The following THBS1 variants were observed in gnomAD, a reference collection of about 807,000 sequenced individuals.
The protein encoded by THBS1 is thrombospondin-1.
In THBS1, 29 loss-of-function variants were observed where a neutral mutation model predicts 126.1. The observed-to-expected ratio is 0.23, with a 90% CI of 0.17 to 0.31. THBS1 has a LOEUF of 0.31. Ranked by LOEUF, THBS1 falls within the 10% of genes least tolerant of loss-of-function variation. THBS1 has a pLI of 1.00. For missense variants in THBS1, 1,198 were observed against 1,545.2 expected, an observed-to-expected ratio of 0.78 and a Z score of 3.77; for synonymous variants, 496 against 577.8, an observed-to-expected ratio of 0.86 and a Z score of 2.03.
At position 39,589,052 on chromosome 15, in the gene THBS1, G is replaced by A; in HGVS notation, c.1739G>A (p.Ser580Asn). 1 of 1,614,208 alleles carries A rather than the reference G, an allele frequency of 6.2e-7. No individual in the cohort carries two copies. The highest frequency in any genetic ancestry group is 1.1e-5 in the South Asian group (1 of 91,086). ...WKCGACPPGY[S>N]GNGIQCTDVD... ...TGTGGTGCTTGTCCCCCTGGTTACAGTGGAAATGGCATCCAGTGCACAGAT... is the reference window on the plus strand; with the variant it reads ...TGTGGTGCTTGTCCCCCTGGTTACAATGGAAATGGCATCCAGTGCACAGAT... Residue 580 changes from serine (S) to asparagine (N), a missense_variant, in exon 11 of 22, where the codon AGT becomes AAT. Physicochemically the swap from Ser to Asn is conservative, Grantham distance 46. Transcript: ENST00000260356. The surrounding 1 kb of genome is among the most constrained non-coding windows in gnomAD (Gnocchi z 4.7).
intron 3 of THBS1, among the ~76,000 whole-genome samples, chr15:39,583,114 C>G (rs1172098371): frequency 6.6e-6 from 1 of 152,168 alleles, no homozygotes; most frequent in East Asian, 1.9e-4. Flanking sequence ...ATGCATTCCC[C>G]CAATTTTAAT....
intron 6 of THBS1, 86 bp from the exon 7 acceptor site, chr15:39,585,384 G>C (rs1300355261): frequency 8.1e-7 from 1 of 1,236,290 alleles, no homozygotes; most frequent in Non-Finnish European, 1.2e-6. Context: ...CCATGTTTTG[G>C]CTTGTAAAGG....
Position 39,590,527 on chromosome 15 carries a change from C to G in THBS1, c.2157C>G (p.Pro719=). 6.2e-7 allele frequency: 1 copy of G among 1,613,240 alleles called. No homozygotes were observed. The highest frequency in any genetic ancestry group is 1.1e-5 in the South Asian group (1 of 90,838). ...ATYHCKKDNC[P]NLPNSGQEDY... is the part of the protein sequence containing the mutation. ...CTTCTCTTTCCTAGGATAATTGCCC[C>G]AACCTTCCCAACTCAGGGCAGGAAG... Residue 719 remains proline (P), a synonymous_variant, in exon 14 of 22, where the codon CCC becomes CCG. Coordinates refer to ENST00000260356, the MANE Select transcript of THBS1 (RefSeq NM_003246.4).
In THBS1 at chr15:39,589,162, T is replaced by C; in HGVS notation, c.1774-40T>C. 6.2e-7 allele frequency: 1 copy of C among 1,612,960 alleles called. No individual in the cohort carries two copies. The highest frequency in any genetic ancestry group is 8.5e-7 in the Non-Finnish European group (1 of 1,179,054). On this transcript the variant is annotated intron_variant, in intron 11 of 21. Transcript: ENST00000260356. The surrounding 1 kb of genome is among the most constrained non-coding windows in gnomAD (Gnocchi z 4.7). ...CTGTGCAGTCGCTTCCTTATGGCAG[T>C]GACTTCTAAACATGATGCACGCTCT...
Position 39,581,639 on chromosome 15 carries a change from C to CCTCTCTCTCTCTCTCTCTCT in THBS1, c.-29-180_-29-161dup, listed in dbSNP as rs3138595. 196 of 366,054 alleles carry CCTCTCTCTCTCTCTCTCTCT rather than the reference C, an allele frequency of 5.4e-4. 2 individuals are homozygous for CCTCTCTCTCTCTCTCTCTCT. The highest frequency in any genetic ancestry group is 5.0e-3 in the African/African-American group (181 of 36,488). The allele number at this position is 366,054 out of a possible 1,614,324, so 22.7% of individuals were successfully genotyped here. On this transcript the variant is annotated intron_variant, in intron 1 of 21. Coordinates refer to ENST00000260356, the MANE Select transcript of THBS1 (RefSeq NM_003246.4). ...TTAAAACCAGCATCTCTTTCCTCCA[C>CCTCTCTCTCTCTCTCTCTCT]CTCTCTCTCTCTCTCTCTCTCTCTC... is the stretch of plus-strand genomic sequence containing the variant.
Position 39,595,870 on chromosome 15 carries a change from T to G in THBS1, c.*501T>G. On this transcript the variant is annotated 3_prime_UTR_variant, in exon 22 of 22. Coordinates refer to ENST00000260356, the MANE Select transcript of THBS1 (RefSeq NM_003246.4). Reference sequence around the variant, plus strand: ...ACCCGAGACGATTGTATGAAGAAAATATGGAGGAACTGTTACATGTTCGGT... The same window carrying G: ...ACCCGAGACGATTGTATGAAGAAAAGATGGAGGAACTGTTACATGTTCGGT... 1 of 456,410 alleles carries G rather than the reference T, an allele frequency of 2.2e-6. No individual in the cohort carries two copies. Among genetic ancestry groups the G allele is most frequent in the South Asian group, 1.5e-5 (1 of 64,546 alleles). The allele number at this position is 456,410 out of a possible 1,614,324, so 28.3% of individuals were successfully genotyped here.
At chr15:39,591,769 G>T (rs1476693010) in intron 16 of THBS1, 146 bp downstream of exon 16, 2 of 756,084 alleles carry the variant, frequency 2.6e-6, no homozygotes, top group African/African-American at 3.5e-5. Flanking sequence ...ATACGTTCAT[G>T]TAAATAATTT....
chr15:39,595,431 C>A lies in THBS1; in HGVS notation c.*62C>A. On this transcript the variant is annotated 3_prime_UTR_variant, in exon 22 of 22. Transcript: ENST00000260356. ...AATGCTGGTATTGCACCTTCTGGAA[C>A]TATGGGCTTGAGAAAACCCCCAGGA... is the stretch of plus-strand genomic sequence containing the variant. The A allele has an allele frequency of 1.3e-6, 2 of 1,484,120 alleles. No homozygotes were observed. Among genetic ancestry groups the A allele is most frequent in the Non-Finnish European group, 1.8e-6 (2 of 1,115,746 alleles). 91.9% of individuals were successfully genotyped at this position (1,484,120 alleles called of 1,614,324 possible). A position where few individuals can be genotyped will look rare whatever the true frequency, so the allele number is the denominator to read the frequency against.
intron 5 of THBS1, 23 bp from the exon 6 acceptor site, chr15:39,584,277 T>A: frequency 6.2e-7 from 1 of 1,614,230 alleles, no homozygotes; most frequent in Admixed American, 1.7e-5. Flanking sequence ...GGGGGGACAC[T>A]AATGATATTC....
In THBS1 at chr15:39,592,949, A is replaced by T. The variant is rs772366052; in HGVS notation, c.2768-51A>T. ...GATAGTGACATTTCTGACACCAGTA[A>T]TAATAATAGCACTTTAGAATTTTGC... On this transcript the variant is annotated intron_variant, in intron 17 of 21. Transcript: ENST00000260356. This position sits in a 1 kb window ranked among gnomAD's most constrained non-coding sequence, Gnocchi z 4.3. The T allele has an allele frequency of 9.5e-6, 15 of 1,585,790 alleles. No homozygotes were observed. The highest frequency in any genetic ancestry group is 1.3e-5 in the Non-Finnish European group (15 of 1,159,772).
Position 39,590,002 on chromosome 15 carries a change from T to C in THBS1, c.2124T>C (p.Asn708=), listed in dbSNP as rs61757229. The change falls in exon 13 of 22, where the codon AAT becomes AAC. Residue 708 remains asparagine (N), a synonymous_variant. Transcript: ENST00000260356. ...ATGAGAACCTGGTGTGCGTGGCCAA[T>C]GCGACTTACCACTGCAAAAAGGTAG... ...WPNENLVCVA[N]ATYHCKKDNC... is the part of the protein sequence containing the mutation. The C allele has an allele frequency of 3.1e-6, 5 of 1,608,108 alleles. No homozygotes were observed. The Admixed American group carries it at 6.7e-5, about 22-fold the overall frequency.
chr15:39,597,777 T>C lies in THBS1; in HGVS notation c.*2408T>C, dbSNP rs1223236514. On this transcript the variant is annotated 3_prime_UTR_variant, in exon 22 of 22. Transcript: ENST00000260356. ...TTCTTATTAAGGTCATTAGATGTCA[T>C]TGAATCCTTTTCAAAGTGCAGTATG... The C allele has an allele frequency of 3.9e-5, 6 of 152,184 alleles. No individual in the cohort carries two copies. The South Asian group carries it at 8.3e-4, about 21-fold the overall frequency. The allele number at this position is 152,184 out of a possible 1,614,324, so 9.4% of individuals were successfully genotyped here.
At position 39,587,466 on chromosome 15, in the gene THBS1, G is replaced by T; in HGVS notation, c.1240G>T (p.Glu414Ter). 6.2e-7 allele frequency: 1 copy of T among 1,613,784 alleles called. No homozygotes were observed. The highest frequency in any genetic ancestry group is 8.5e-7 in the Non-Finnish European group (1 of 1,179,984). ...RSCDSLNNRC[E>*]GSSVQTRTCH... is the part of the protein sequence containing the mutation. ...CTGCGATAGCCTCAACAACCGATGT[G>T]AGGGCTCCTCGGTCCAGACACGGAC... The change falls in exon 8 of 22, where the codon GAG becomes TAG. Residue 414 changes from glutamate (E) to a stop codon, truncating the protein, a stop_gained. Coordinates refer to ENST00000260356, the MANE Select transcript of THBS1 (RefSeq NM_003246.4). LOFTEE classifies it high-confidence loss of function.
intron 14 of THBS1, chr15:39,590,977 T>TCTCA (rs1287830096): frequency 3.4e-6 from 2 of 585,470 alleles, no homozygotes; most frequent in Non-Finnish European, 5.9e-6. Context: ...ATATTCTACA[T>TCTCA]CTCACTAACT....
In THBS1 at chr15:39,592,851, T is replaced by C. The variant is rs371871724; in HGVS notation, c.2767+49T>C. 6.3e-7 allele frequency: 1 copy of C among 1,583,870 alleles called. No homozygotes were observed. ...AAGACAGGGACTGCTGGCACAGCTG[T>C]GTAGATTGAAGAAATGAAACCAAGG... On this transcript the variant is annotated intron_variant, in intron 17 of 21. Transcript: ENST00000260356. The surrounding 1 kb of genome is among the most constrained non-coding windows in gnomAD (Gnocchi z 4.3).
rs144786467 is a variant in THBS1 at position 39,584,131 on chromosome 15, G to A, written c.847G>A (p.Glu283Lys). 1.6e-4 allele frequency: 261 copies of A among 1,614,190 alleles called. No homozygotes were observed. The highest frequency in any genetic ancestry group is 2.0e-4 in the Non-Finnish European group (237 of 1,180,040). The change falls in exon 5 of 22, where the codon GAA becomes AAA. Residue 283 changes from glutamate to lysine, a missense_variant. By Grantham distance (56) the Glu-to-Lys change is moderately conservative (BLOSUM62 1). Transcript: ENST00000260356. ...SCDELSSMVLELRGLRTIVTT... is the reference protein window; with the variant it reads ...SCDELSSMVLKLRGLRTIVTT... ...TGATGAGCTGTCCAGCATGGTCCTG[G>A]AACTCAGGGGCCTGCGCACCATTGT...
Position 39,598,352 on chromosome 15 carries a change from C to CA in THBS1, c.*2986dup, listed in dbSNP as rs1890526224. 6.6e-6 allele frequency: 1 copy of CA among 152,046 alleles called. No individual in the cohort carries two copies. The highest frequency in any genetic ancestry group is 2.4e-5 in the African/African-American group (1 of 41,384). The allele number at this position is 152,046 out of a possible 1,614,324, so 9.4% of individuals were successfully genotyped here. On this transcript the variant is annotated 3_prime_UTR_variant, in exon 22 of 22. Coordinates refer to ENST00000260356, the MANE Select transcript of THBS1 (RefSeq NM_003246.4). Reference sequence around the variant, plus strand: ...ATGATCACATACAAATGTAAATTGCCAAATCATTTTATAGTACCAAGGTGA... The same window carrying CA: ...ATGATCACATACAAATGTAAATTGCCAAAATCATTTTATAGTACCAAGGTGA...
chr15:39,584,321 G>T lies in THBS1; in HGVS notation c.925G>T (p.Ala309Ser). The T allele has an allele frequency of 6.2e-7, 1 of 1,614,228 alleles. No individual in the cohort carries two copies. The highest frequency in any genetic ancestry group is 8.5e-7 in the Non-Finnish European group (1 of 1,180,042). ...RKVTEENKEL[A>S]NELRRPPLCY... is the part of the protein sequence containing the mutation. ...TTAGACTGAAGAGAACAAAGAGTTGGCCAATGAGCTGAGGCGGCCTCCCCT... is the reference window on the plus strand; with the variant it reads ...TTAGACTGAAGAGAACAAAGAGTTGTCCAATGAGCTGAGGCGGCCTCCCCT... The change falls in exon 6 of 22, where the codon GCC becomes TCC. Residue 309 changes from alanine to serine, a missense_variant. Transcript: ENST00000260356.
Position 39,593,538 on chromosome 15 carries a change from C to A in THBS1, c.3137C>A (p.Ser1046Tyr), listed in dbSNP as rs772391014. 28 of 1,614,094 alleles carry A rather than the reference C, an allele frequency of 1.7e-5. No homozygotes were observed. The highest frequency in any genetic ancestry group is 2.4e-5 in the Non-Finnish European group (28 of 1,180,050). ...YVVMWKQVTQ[S>Y]YWDTNPTRAQ... The stretch of plus-strand genomic sequence containing the variant: ...GTGATGTGGAAGCAAGTCACCCAGT[C>A]CTACTGGGACACCAACCCCACGAGG... Residue 1046 changes from serine to tyrosine, a missense_variant, in exon 19 of 22, where the codon TCC becomes TAC. Transcript: ENST00000260356. The surrounding 1 kb of genome is among the most constrained non-coding windows in gnomAD (Gnocchi z 5.9).
Sources: gnomAD v4.1 joint callset for allele counts (sites outside exome capture counted in the v4.1 genomes callset) on GRCh38, gnomAD v4.1.1 for gene constraint, Gnocchi (gnomAD v3.1) non-coding constraint, MANE v1.5 for transcripts, NCBI Gene and HGNC (gene_info 2026-07-23, HGNC 2026-07-21) for gene names.